GTF2F2: variants seen among roughly 807,000 people sequenced by gnomAD.
The protein encoded by GTF2F2 is general transcription factor IIF subunit 2.
A neutral mutation model predicts 42.2 loss-of-function variants in GTF2F2; 23 were observed. The observed-to-expected ratio is 0.55, with a 90% CI of 0.39 to 0.77. The LOEUF (loss-of-function observed/expected upper bound fraction) is 0.77. Ranked by LOEUF, GTF2F2 falls within the 30% of genes least tolerant of loss-of-function variation. GTF2F2 has a pLI of 0.00. For missense variants in GTF2F2, 261 were observed against 287.2 expected (o/e 0.91, Z 0.66); for synonymous variants, 105 against 100.8 (o/e 1.04, Z -0.25).
intron 1 of GTF2F2, among the ~76,000 whole-genome samples, chr13:45,132,354 T>C (rs2138094767): frequency 6.6e-6 from 1 of 152,230 alleles, no homozygotes; most frequent in African/African-American, 2.4e-5. Context: ...ACGTGGTTGG[T>C]AGAATTCAGT....
At chr13:45,201,769 G>A (rs1003748215) in intron 4 of GTF2F2, among the ~76,000 whole-genome samples, 7 of 152,098 alleles carry the variant, frequency 4.6e-5, no homozygotes, top group African/African-American at 1.7e-4. Flanking sequence ...GGAGTGCGGG[G>A]GAGAATTTAG....
chr13:45,197,244 C>A (rs1593485497), intron 4 of GTF2F2, among the ~76,000 whole-genome samples: 2 of 151,602 alleles, frequency 1.3e-5, no homozygotes, highest in South Asian at 4.2e-4. Flanking sequence ...TGCCTGTAAT[C>A]CCAGCACTTT....
chr13:45,251,033 T>C (rs919203194), intron 5 of GTF2F2, among the ~76,000 whole-genome samples: 1 of 152,232 alleles, frequency 6.6e-6, no homozygotes, highest in East Asian at 1.9e-4. Context: ...TGGATTTATA[T>C]GTAACTGGAA....
intron 5 of GTF2F2, among the ~76,000 whole-genome samples, chr13:45,243,790 A>G (rs1453536683): frequency 6.6e-6 from 1 of 152,108 alleles, no homozygotes; most frequent in Non-Finnish European, 1.5e-5. Flanking sequence ...CCTCCTGAGT[A>G]GGTGGGATTA....
intron 4 of GTF2F2, among the ~76,000 whole-genome samples, chr13:45,176,187 C>T (rs1374610653): frequency 6.6e-6 from 1 of 152,138 alleles, no homozygotes; most frequent in Non-Finnish European, 1.5e-5. Context: ...GGACTTTGGT[C>T]ACAGGATACA....
At chr13:45,173,179 A>G (rs935683584) in intron 4 of GTF2F2, among the ~76,000 whole-genome samples, 1 of 152,180 alleles carries the variant, frequency 6.6e-6, no homozygotes, top group Non-Finnish European at 1.5e-5. Flanking sequence ...TAAGTTTTTT[A>G]TTTTGAGGTA....
At chr13:45,271,216 G>A (rs913834635) in intron 7 of GTF2F2, among the ~76,000 whole-genome samples, 3 of 151,908 alleles carry the variant, frequency 2.0e-5, no homozygotes, top group Admixed American at 6.6e-5. Flanking sequence ...GTGTGAACCC[G>A]GGAGGCGGAG....
chr13:45,151,709 A>T lies in GTF2F2; in HGVS notation c.182A>T (p.Asp61Val). ...TAGGTGTCATTTACTTTGAATGAGGATCTTGCAAATATTCATGATATTGGT... is the reference window on the plus strand; with the variant it reads ...TAGGTGTCATTTACTTTGAATGAGGTTCTTGCAAATATTCATGATATTGGT... ...RTEVSFTLNEDLANIHDIGGK... is the reference protein window; with the variant it reads ...RTEVSFTLNEVLANIHDIGGK... Residue 61 changes from aspartate (D) to valine (V), a missense_variant, in exon 4 of 8, where the codon GAT becomes GTT. Physicochemically the swap from Asp to Val is radical, Grantham distance 152 (BLOSUM62 -3). Transcript: ENST00000340473. The T allele has an allele frequency of 2.5e-6, 4 of 1,607,008 alleles. No homozygotes were observed. The highest frequency in any genetic ancestry group is 3.4e-6 in the Non-Finnish European group (4 of 1,174,522).
At position 45,127,938 on chromosome 13, in the gene GTF2F2, CTTTTTTTTTTTTTTTTTT is replaced by C. The variant is rs1161627204; in HGVS notation, c.66+7231_66+7248del. The stretch of plus-strand genomic sequence containing the variant: ...GAGCCACTGTGCCTGGCACCCCGGC[CTTTTTTTTTTTTTTTTTT>C]TTTTTTTTTTTTTCTTTTTTTTTGA... On this transcript the variant is annotated intron_variant, in intron 1 of 7. Coordinates refer to ENST00000340473, the MANE Select transcript of GTF2F2 (RefSeq NM_004128.3). Among the ~76,000 whole-genome samples the C allele has an allele frequency of 4.5e-4, 22 of 48,600 alleles. 1 individual carries two copies. The East Asian group carries it at 4.8e-3, about 11-fold the overall frequency. The allele number at this position is 48,600 out of a possible 152,430, so 31.9% of individuals were successfully genotyped here. A position where few individuals can be genotyped will look rare whatever the true frequency, so the allele number is the denominator to read the frequency against.
intron 7 of GTF2F2, among the ~76,000 whole-genome samples, chr13:45,273,260 G>A (rs1464057325): frequency 6.6e-6 from 1 of 151,738 alleles, no homozygotes; most frequent in Non-Finnish European, 1.5e-5. Flanking sequence ...TTTTTTTGTG[G>A]AGACAGGATC....
intron 7 of GTF2F2, among the ~76,000 whole-genome samples, chr13:45,279,934 G>T (rs1312722819): frequency 6.6e-6 from 1 of 151,366 alleles, no homozygotes; most frequent in Non-Finnish European, 1.5e-5. Flanking sequence ...CCCAAAAAAG[G>T]AGCATGTGAT....
At chr13:45,212,420 A>C (rs1317401767) in intron 5 of GTF2F2, among the ~76,000 whole-genome samples, 2 of 137,098 alleles carry the variant, frequency 1.5e-5, no homozygotes, top group African/African-American at 2.7e-5. Flanking sequence ...TCTACCTAGG[A>C]TTGATTTCTT....
chr13:45,183,401 G>C (rs1182360478), intron 4 of GTF2F2, among the ~76,000 whole-genome samples: 1 of 152,090 alleles, frequency 6.6e-6, no homozygotes, highest in Non-Finnish European at 1.5e-5. Flanking sequence ...CCATCCTCAG[G>C]GGGATCCAGA....
chr13:45,157,553 A>G (rs1403988166), intron 4 of GTF2F2, among the ~76,000 whole-genome samples: 1 of 145,734 alleles, frequency 6.9e-6, no homozygotes, highest in Non-Finnish European at 1.5e-5. Flanking sequence ...TTAGAGTGGT[A>G]GCAGTGACAG....
chr13:45,238,549 C>G (rs541197169), intron 5 of GTF2F2, among the ~76,000 whole-genome samples: 133 of 152,280 alleles, frequency 8.7e-4, no homozygotes, highest in African/African-American at 3.0e-3. Flanking sequence ...GTTCCTCTTC[C>G]CTGTCACACA....
intron 5 of GTF2F2, among the ~76,000 whole-genome samples, chr13:45,229,142 C>T (rs1035756876): frequency 2.6e-5 from 4 of 152,136 alleles, no homozygotes; most frequent in African/African-American, 9.7e-5. Context: ...CTCGGCCTCC[C>T]GAAGTGCCGG....
chr13:45,237,023 T>G (rs547793359), intron 5 of GTF2F2, among the ~76,000 whole-genome samples: 6 of 152,326 alleles, frequency 3.9e-5, no homozygotes, highest in Non-Finnish European at 8.8e-5. Flanking sequence ...AACTCAGACA[T>G]TCTATTCACT....
At chr13:45,241,953 C>G (rs1000963119) in intron 5 of GTF2F2, among the ~76,000 whole-genome samples, 2 of 152,112 alleles carry the variant, frequency 1.3e-5, no homozygotes, top group Non-Finnish European at 1.5e-5. Context: ...TATCTGTAAT[C>G]CCTTCAGTAG....
intron 5 of GTF2F2, among the ~76,000 whole-genome samples, chr13:45,212,487 C>CT (rs1321018375): frequency 3.0e-5 from 3 of 101,376 alleles, no homozygotes; most frequent in African/African-American, 1.2e-4. Flanking sequence ...TTCTTTCTTT[C>CT]TTTCTTTCTT....
Sources: gnomAD v4.1 joint callset for allele counts (sites outside exome capture counted in the v4.1 genomes callset) on GRCh38, gnomAD v4.1.1 for gene constraint, MANE v1.5 for transcripts, NCBI Gene and HGNC (gene_info 2026-07-23, HGNC 2026-07-21) for gene names.